PRKG2: variants seen among roughly 807,000 people sequenced by gnomAD.
PRKG2 encodes the protein protein kinase cGMP-dependent 2, also known as cGMP-dependent protein kinase 2.
A neutral mutation model predicts 97.2 loss-of-function variants in PRKG2; 33 were observed. The ratio of observed to expected loss-of-function variants is 0.34; its 90% CI spans 0.26 to 0.45. The LOEUF (loss-of-function observed/expected upper bound fraction) is 0.45. Ranked by LOEUF, PRKG2 falls within the 20% of genes least tolerant of loss-of-function variation. The pLI, the probability that PRKG2 is intolerant of heterozygous loss-of-function variation, is 1.00. For synonymous variants in PRKG2, 330 were observed against 321.8 expected (o/e 1.03, Z -0.27); for missense variants, 638 against 900.0 (o/e 0.71, Z 3.73).
intron 17 of PRKG2, among the ~76,000 whole-genome samples, chr4:81,101,398 G>T (rs1301639041): frequency 2.0e-5 from 3 of 152,104 alleles, no homozygotes; most frequent in Non-Finnish European, 4.4e-5. Flanking sequence ...AAAAAATGAT[G>T]AGTTCATGTC....
intron 2 of PRKG2, among the ~76,000 whole-genome samples, chr4:81,191,633 A>G (rs529967832): frequency 3.9e-4 from 59 of 152,188 alleles, no homozygotes; most frequent in Non-Finnish European, 7.1e-4. Context: ...AGAAAATTCA[A>G]AAATTGACCT....
intron 13 of PRKG2, among the ~76,000 whole-genome samples, chr4:81,136,173 C>T (rs774516602): frequency 6.7e-4 from 102 of 152,314 alleles, no homozygotes; most frequent in Non-Finnish European, 1.3e-3. Flanking sequence ...AGGTTCTCCC[C>T]ATTCAAATCT....
rs376946248 is a variant in PRKG2, at chr4:81,140,165, G to T, written c.1544+368C>A. 1.2e-4 allele frequency among the ~76,000 whole-genome samples: 18 copies of T among 152,276 alleles called. No homozygotes were observed. In the East Asian group the frequency reaches 2.7e-3, roughly 23 times the overall value. On this transcript the variant is annotated intron_variant, in intron 12 of 18. Transcript: ENST00000264399. ...ACCAGAGCCTGGGAAAGGTAGTGGG[G>T]AGACATGCAGGAAGGGGAGATGGTT...
chr4:81,153,431 T>C, intron 7 of PRKG2: 1 of 465,406 alleles, frequency 2.1e-6, no homozygotes, highest in Non-Finnish European at 3.8e-6. Flanking sequence ...GTGACCTACA[T>C]AACATCACTA....
At chr4:81,213,446 G>A (rs553228411) in intron 1 of PRKG2, among the ~76,000 whole-genome samples, 1 of 152,222 alleles carries the variant, frequency 6.6e-6, no homozygotes, top group Admixed American at 6.5e-5. Context: ...GAGGTGAGCA[G>A]GCTGTACCTC....
chr4:81,093,396 CACACACACAA>C (rs1741790524), intron 17 of PRKG2, among the ~76,000 whole-genome samples: 1 of 148,890 alleles, frequency 6.7e-6, no homozygotes, highest in African/African-American at 2.6e-5. Context: ...CACACACACA[CACACACACAA>C]GCTTCTTATC....
chr4:81,195,234 T>C (rs1333406619), intron 2 of PRKG2, among the ~76,000 whole-genome samples: 1 of 152,168 alleles, frequency 6.6e-6, no homozygotes, highest in African/African-American at 2.4e-5. Context: ...GAATTTGACA[T>C]AGCTTGTTCT....
chr4:81,121,542 A>G (rs11941413), intron 14 of PRKG2, among the ~76,000 whole-genome samples: 5,961 of 152,196 alleles, frequency 0.039, 409 homozygotes, highest in African/African-American at 0.14. Flanking sequence ...GTGTCTTTCA[A>G]GGAATTAGTC....
rs765248002 is a variant in PRKG2, at chr4:81,135,179, T to C, written c.1752A>G (p.Leu584=). 6.2e-7 allele frequency: 1 copy of C among 1,610,120 alleles called. No homozygotes were observed. The highest frequency in any genetic ancestry group is 8.5e-7 in the Non-Finnish European group (1 of 1,177,744). Residue 584 remains leucine, a synonymous_variant, in exon 14 of 19, where the codon CTA becomes CTG. Coordinates refer to ENST00000264399, the MANE Select transcript of PRKG2 (RefSeq NM_006259.3). ...YRDLKPENLI[L]DAEGYLKLVD... is the part of the protein sequence containing the mutation. ...CCAATTTAAGGTAACCCTCAGCATCTAGAATTAAGTTTTCTGGTTTCAAGT... is the reference window on the plus strand; with the variant it reads ...CCAATTTAAGGTAACCCTCAGCATCCAGAATTAAGTTTTCTGGTTTCAAGT...
At chr4:81,111,902 T>A (rs74320649) in intron 14 of PRKG2, among the ~76,000 whole-genome samples, 1 of 152,306 alleles carries the variant, frequency 6.6e-6, no homozygotes, top group African/African-American at 2.4e-5. Context: ...AGTCACAAAT[T>A]GTTTCTGGGC....
At chr4:81,189,736 A>C (rs953285963) in intron 2 of PRKG2, among the ~76,000 whole-genome samples, 12 of 148,690 alleles carry the variant, frequency 8.1e-5, no homozygotes, top group African/African-American at 3.1e-4. Context: ...CGTTGTGCAC[A>C]TGTACCCTAA....
chr4:81,153,953 A>G (rs572089036), intron 6 of PRKG2: 20 of 350,568 alleles, frequency 5.7e-5, no homozygotes, highest in South Asian at 5.2e-4. Flanking sequence ...TGCCTCACTC[A>G]GCAAGCACAA....
chr4:81,149,656 T>G (rs910353723), intron 8 of PRKG2, among the ~76,000 whole-genome samples: 1 of 152,138 alleles, frequency 6.6e-6, no homozygotes, highest in Admixed American at 6.5e-5. Context: ...GTAAAGTACT[T>G]CTTTACAGAC....
rs566290901 is a variant in PRKG2 at position 81,128,788 on chromosome 4, T to C, written c.1776+6367A>G. On this transcript the variant is annotated intron_variant, in intron 14 of 18. Coordinates refer to ENST00000264399, the MANE Select transcript of PRKG2 (RefSeq NM_006259.3). ...TTCAAGAAACCAGCTCCTAGATTCATTGATTTTTTGAAGGGTTTTTCATGT... is the reference window on the plus strand; with the variant it reads ...TTCAAGAAACCAGCTCCTAGATTCACTGATTTTTTGAAGGGTTTTTCATGT... 3.3e-5 allele frequency among the ~76,000 whole-genome samples: 5 copies of C among 151,310 alleles called. No homozygotes were observed. The South Asian group carries it at 6.2e-4, about 19-fold the overall frequency.
chr4:81,193,036 T>G (rs1207370066), intron 2 of PRKG2: 5 of 153,294 alleles, frequency 3.3e-5, no homozygotes, highest in South Asian at 2.1e-4. Context: ...TTGTTTTTTG[T>G]TTTTTGTTTT....
intron 14 of PRKG2, among the ~76,000 whole-genome samples, chr4:81,113,210 T>A (rs1397228880): frequency 6.6e-6 from 1 of 152,112 alleles, no homozygotes; most frequent in African/African-American, 2.4e-5. Flanking sequence ...AACTTCAGAT[T>A]TTTTTCTTTT....
At chr4:81,177,061 C>T (rs1406239476) in intron 2 of PRKG2, among the ~76,000 whole-genome samples, 1 of 152,108 alleles carries the variant, frequency 6.6e-6, no homozygotes, top group African/African-American at 2.4e-5. Context: ...TCTTTTGTGA[C>T]TTAACTTACT....
chr4:81,189,550 G>A (rs1752280782), intron 2 of PRKG2, among the ~76,000 whole-genome samples: 1 of 149,862 alleles, frequency 6.7e-6, no homozygotes, highest in Admixed American at 6.6e-5. Context: ...TCATAGGTGG[G>A]AATTGAACAA....
At chr4:81,143,141 A>G (rs900815485) in intron 10 of PRKG2, among the ~76,000 whole-genome samples, 194 bp from the exon 11 acceptor site, 2 of 152,200 alleles carry the variant, frequency 1.3e-5, no homozygotes, top group Non-Finnish European at 2.9e-5. Context: ...ATACAAACAT[A>G]AAACTCACAC....
Sources: allele counts gnomAD v4.1 joint callset (sites outside exome capture counted in the v4.1 genomes callset), GRCh38; gene constraint gnomAD v4.1.1; transcripts MANE v1.5; gene names NCBI Gene and HGNC (gene_info 2026-07-23, HGNC 2026-07-21).